Variants in PATJ observed in about 807,000 individuals in gnomAD.
PATJ encodes PATJ crumbs cell polarity complex component, also known as inaD-like protein.
In PATJ, 190 loss-of-function variants were observed where a neutral mutation model predicts 224.9. The ratio of observed to expected loss-of-function variants is 0.84; its 90% confidence interval spans 0.75 to 0.95. PATJ has a LOEUF of 0.95. PATJ is among the 40% of genes least tolerant of loss of function. The pLI, the probability that PATJ is intolerant of heterozygous loss-of-function variation, is 0.00. For missense variants in PATJ, 2,121 were observed against 2,270.3 expected (o/e 0.93, Z 1.34); for synonymous variants, 769 against 820.3 (o/e 0.94, Z 1.07).
At chr1:61,763,236 C>G in intron 3 of PATJ, 57 bp downstream of exon 3, 1 of 1,041,812 alleles carries the variant, frequency 9.6e-7, no homozygotes, top group Non-Finnish European at 1.3e-6. Context: ...TTCAAACCAT[C>G]AAAGAAAGAT....
intron 22 of PATJ, among the ~76,000 whole-genome samples, chr1:61,894,563 G>A (rs1670100479): frequency 6.6e-6 from 1 of 152,178 alleles, no homozygotes; most frequent in Non-Finnish European, 1.5e-5. Context: ...CTGCCAACAT[G>A]TAAGATGTGC....
At chr1:62,113,865 G>A (rs955985907) in intron 34 of PATJ, among the ~76,000 whole-genome samples, 188 bp from the exon 35 acceptor site, 2 of 152,164 alleles carry the variant, frequency 1.3e-5, no homozygotes, top group African/African-American at 4.8e-5. Context: ...TGTTGGGTAG[G>A]ATATTTTAAG....
At chr1:61,984,123 A>G (rs1261448708) in intron 27 of PATJ, among the ~76,000 whole-genome samples, 1 of 151,112 alleles carries the variant, frequency 6.6e-6, no homozygotes, top group Admixed American at 6.6e-5. Context: ...TTATTAATAA[A>G]ATTGTATAAC....
chr1:61,872,058 C>A (rs1666716044), intron 20 of PATJ, among the ~76,000 whole-genome samples: 1 of 152,010 alleles, frequency 6.6e-6, no homozygotes, highest in Non-Finnish European at 1.5e-5. Context: ...TATTGAAATC[C>A]CAGATTTGGA....
At chr1:61,868,538 T>C (rs1468285753) in intron 20 of PATJ, among the ~76,000 whole-genome samples, 2 of 152,096 alleles carry the variant, frequency 1.3e-5, no homozygotes, top group Non-Finnish European at 1.5e-5. Context: ...CCTGTAATCC[T>C]AGCACTTTGG....
At chr1:61,934,361 G>A (rs775305474) in intron 27 of PATJ, among the ~76,000 whole-genome samples, 27 of 152,104 alleles carry the variant, frequency 1.8e-4, no homozygotes, top group Admixed American at 7.9e-4. Context: ...CAGGTGATCC[G>A]CCTGCTTTGG....
chr1:61,850,213 C>T (rs1033779974), intron 17 of PATJ, among the ~76,000 whole-genome samples: 4 of 152,182 alleles, frequency 2.6e-5, no homozygotes, highest in Non-Finnish European at 5.9e-5. Flanking sequence ...CTAGGTGATG[C>T]TCTTGCACTC....
At chr1:61,772,113 T>G (rs1205990905) in intron 6 of PATJ, among the ~76,000 whole-genome samples, 2 of 151,344 alleles carry the variant, frequency 1.3e-5, no homozygotes, top group Non-Finnish European at 1.5e-5. Context: ...GTCGTTTTTT[T>G]TTTTTTTTTT....
At chr1:61,937,285 T>G (rs901744568) in intron 27 of PATJ, among the ~76,000 whole-genome samples, 1 of 152,246 alleles carries the variant, frequency 6.6e-6, no homozygotes, top group East Asian at 1.9e-4. Context: ...CAGGCTAGAG[T>G]GCAGTGGCAT....
chr1:61,978,159 G>A (rs1194668574), intron 27 of PATJ, among the ~76,000 whole-genome samples: 1 of 151,532 alleles, frequency 6.6e-6, no homozygotes, highest in African/African-American at 2.4e-5. Context: ...TACAGGAAGA[G>A]ACATTTTCTC....
intron 41 of PATJ, among the ~76,000 whole-genome samples, chr1:62,131,182 G>A (rs1435428334): frequency 6.6e-6 from 1 of 152,102 alleles, no homozygotes; most frequent in Non-Finnish European, 1.5e-5. Flanking sequence ...TCAACTCCTG[G>A]TCCTCACTTT....
In PATJ at chr1:61,802,878, G is replaced by A. The variant is rs138347424; in HGVS notation, c.1549+1109G>A. ...GCACAAAAGTGCTCTGGAAAGCCTCGCCAGCTAAATGAAACTCCTTGAGTA... is the reference window on the plus strand; with the variant it reads ...GCACAAAAGTGCTCTGGAAAGCCTCACCAGCTAAATGAAACTCCTTGAGTA... On this transcript the variant is annotated intron_variant, in intron 12 of 43. Coordinates refer to ENST00000642238, the MANE Select transcript of PATJ (RefSeq NM_001350145.3). Among the ~76,000 whole-genome samples, 403 of 152,100 alleles carry A rather than the reference G, an allele frequency of 2.6e-3. 2 individuals are homozygous for A. Among genetic ancestry groups the A allele is most frequent in the African/African-American group, 9.2e-3 (381 of 41,488 alleles).
At chr1:62,004,878 CTT>C (rs1038169786) in intron 28 of PATJ, among the ~76,000 whole-genome samples, 1 of 152,096 alleles carries the variant, frequency 6.6e-6, no homozygotes, top group Non-Finnish European at 1.5e-5. Flanking sequence ...CACACAGAAA[CTT>C]TTACATAAAT....
At chr1:61,948,851 T>C (rs1315307895) in intron 27 of PATJ, among the ~76,000 whole-genome samples, 1 of 152,094 alleles carries the variant, frequency 6.6e-6, no homozygotes, top group Non-Finnish European at 1.5e-5. Flanking sequence ...TAAAAAAATG[T>C]GGCACATATG....
intron 41 of PATJ, among the ~76,000 whole-genome samples, chr1:62,144,907 C>T (rs1282387576): frequency 6.6e-6 from 1 of 151,322 alleles, no homozygotes; most frequent in South Asian, 2.1e-4. Context: ...TGCAGTGATA[C>T]GATCTCTGCT....
At chr1:61,771,373 AT>A in intron 5 of PATJ, 57 bp from the exon 6 acceptor site, 1 of 1,122,896 alleles carries the variant, frequency 8.9e-7, no homozygotes, top group Non-Finnish European at 1.2e-6. Context: ...ACTTTAATAG[AT>A]TTTTAAAAAT....
At chr1:61,762,935 T>C in intron 2 of PATJ, 21 bp downstream of exon 2, 1 of 1,507,498 alleles carries the variant, frequency 6.6e-7, no homozygotes, top group Non-Finnish European at 9.1e-7. Context: ...TATATTGTTC[T>C]ATAATTAAAT....
chr1:61,859,245 A>G (rs1218354200), intron 18 of PATJ, among the ~76,000 whole-genome samples: 6 of 152,024 alleles, frequency 3.9e-5, no homozygotes, highest in African/African-American at 1.4e-4. Flanking sequence ...GTGGATCCTC[A>G]TGCTATTTCT....
chr1:62,014,026 G>A (rs1345126315), intron 28 of PATJ, among the ~76,000 whole-genome samples: 7 of 151,914 alleles, frequency 4.6e-5, no homozygotes, highest in South Asian at 2.1e-4. Context: ...CGCCCACCTC[G>A]GCCTCCCAAA....
Sources: allele counts gnomAD v4.1 joint callset (sites outside exome capture counted in the v4.1 genomes callset), GRCh38; gene constraint gnomAD v4.1.1; transcripts MANE v1.5; gene names NCBI Gene and HGNC (gene_info 2026-07-23, HGNC 2026-07-21).